AKAP6: variants seen among roughly 807,000 people sequenced by gnomAD.
AKAP6 encodes the protein A-kinase anchor protein 6.
Under a neutral mutation model 188.5 loss-of-function variants are expected in AKAP6, and 58 were observed. The ratio of observed to expected loss-of-function variants is 0.31; its 90% CI spans 0.25 to 0.38. AKAP6 has a LOEUF of 0.38. Ranked by LOEUF, AKAP6 falls within the 10% of genes least tolerant of loss-of-function variation. The probability of loss-of-function intolerance (pLI) is 1.00; values close to 1 mark genes in which losing one functional copy is unlikely to be tolerated. For synonymous variants in AKAP6, 989 were observed against 998.6 expected (o/e 0.99, Z 0.18); for missense variants, 2,710 against 2,740.0 (o/e 0.99, Z 0.24).
intron 12 of AKAP6, among the ~76,000 whole-genome samples, chr14:32,789,956 A>G (rs1424353862): frequency 6.6e-6 from 1 of 152,206 alleles, no homozygotes; most frequent in African/African-American, 2.4e-5. Flanking sequence ...ACCCAATGCA[A>G]AGAAGCTAAG....
chr14:32,345,308 G>A (rs1170015502), intron 1 of AKAP6, among the ~76,000 whole-genome samples: 8 of 152,216 alleles, frequency 5.3e-5, no homozygotes, highest in East Asian at 1.9e-4. Context: ...GGTATTGAAT[G>A]TGTAAGCAGA....
intron 11 of AKAP6, among the ~76,000 whole-genome samples, chr14:32,741,823 T>TG (rs1170381035): frequency 7.9e-6 from 1 of 127,020 alleles, no homozygotes; most frequent in Non-Finnish European, 1.6e-5. Flanking sequence ...CTGTAGGTTT[T>TG]TTTTTTTTTT....
chr14:32,355,143 G>C (rs753424924), intron 1 of AKAP6, among the ~76,000 whole-genome samples: 1 of 151,864 alleles, frequency 6.6e-6, no homozygotes, highest in East Asian at 1.9e-4. Flanking sequence ...TTCTTTTTAC[G>C]TACCTTAGAT....
At chr14:32,776,117 C>T (rs2033053038) in intron 12 of AKAP6, among the ~76,000 whole-genome samples, 3 of 152,204 alleles carry the variant, frequency 2.0e-5, no homozygotes, top group Admixed American at 2.0e-4. Flanking sequence ...TCTAAGTTGG[C>T]TCTTCAGTTA....
At position 32,611,383 on chromosome 14, in the gene AKAP6, G is replaced by C. The variant is rs143314997; in HGVS notation, c.2730+10591G>C. 2.5e-3 allele frequency among the ~76,000 whole-genome samples: 374 copies of C among 152,294 alleles called. 1 individual carries two copies. Among genetic ancestry groups the C allele is most frequent in the African/African-American group, 8.5e-3 (355 of 41,564 alleles). ...CCAGGTGATTCTAAAGTACAGGAAAGTTTGAGAACAAAGATTTAGTAAGGA... is the reference window on the plus strand; with the variant it reads ...CCAGGTGATTCTAAAGTACAGGAAACTTTGAGAACAAAGATTTAGTAAGGA... On this transcript the variant is annotated intron_variant, in intron 7 of 13. Coordinates refer to ENST00000280979, the MANE Select transcript of AKAP6 (RefSeq NM_004274.5).
At chr14:32,348,413 G>C (rs368894065) in intron 1 of AKAP6, among the ~76,000 whole-genome samples, 950 of 69,458 alleles carry the variant, frequency 0.014, 19 homozygotes, top group African/African-American at 0.076. Context: ...CTTTTCTTTT[G>C]TTTCTTTTTT....
intron 7 of AKAP6, among the ~76,000 whole-genome samples, chr14:32,665,643 G>A (rs938735219): frequency 5.3e-5 from 8 of 152,060 alleles, no homozygotes; most frequent in Non-Finnish European, 8.8e-5. Context: ...TCATGGGAGA[G>A]TCTTAAGACT....
intron 2 of AKAP6, among the ~76,000 whole-genome samples, chr14:32,521,350 G>C (rs1481680150): frequency 6.6e-6 from 1 of 152,046 alleles, no homozygotes; most frequent in African/African-American, 2.4e-5. Flanking sequence ...AATCAAGCAG[G>C]AGAAAGAAAT....
chr14:32,651,720 A>C (rs556986025), intron 7 of AKAP6, among the ~76,000 whole-genome samples: 35 of 152,286 alleles, frequency 2.3e-4, no homozygotes, highest in African/African-American at 7.7e-4. Flanking sequence ...TACCTCCCTA[A>C]GGCCACACTT....
At chr14:32,499,872 C>T (rs1835783243) in intron 2 of AKAP6, among the ~76,000 whole-genome samples, 1 of 151,792 alleles carries the variant, frequency 6.6e-6, no homozygotes, top group Non-Finnish European at 1.5e-5. Flanking sequence ...TTGATGAATA[C>T]TCATTCATAC....
intron 2 of AKAP6, among the ~76,000 whole-genome samples, chr14:32,506,608 C>T (rs1178502141): frequency 1.3e-5 from 2 of 151,868 alleles, no homozygotes; most frequent in Non-Finnish European, 2.9e-5. Context: ...TTTGGGAAGT[C>T]GAGGCAGGAG....
chr14:32,784,076 A>G (rs181265786), intron 12 of AKAP6, among the ~76,000 whole-genome samples: 1 of 152,318 alleles, frequency 6.6e-6, no homozygotes, highest in East Asian at 1.9e-4. Context: ...GTCAAAAATT[A>G]TATCTAAATG....
At chr14:32,668,932 A>T (rs1889061306) in intron 7 of AKAP6, among the ~76,000 whole-genome samples, 1 of 151,756 alleles carries the variant, frequency 6.6e-6, no homozygotes, top group African/African-American at 2.4e-5. Flanking sequence ...ACAAGGGAAG[A>T]TATTTACATT....
chr14:32,544,200 G>T (rs765688765), intron 3 of AKAP6, among the ~76,000 whole-genome samples: 1 of 152,162 alleles, frequency 6.6e-6, no homozygotes, highest in Non-Finnish European at 1.5e-5. Context: ...AAAAAAAGGA[G>T]ATCTGGGGAT....
intron 1 of AKAP6, among the ~76,000 whole-genome samples, chr14:32,407,832 TGGA>T (rs889202015): frequency 1.6e-4 from 24 of 152,114 alleles, no homozygotes; most frequent in Non-Finnish European, 4.4e-5. Context: ...TGTATCAACG[TGGA>T]GGAGAAGGGT....
chr14:32,804,679 GT>G (rs1337615532), intron 12 of AKAP6, among the ~76,000 whole-genome samples: 10 of 152,068 alleles, frequency 6.6e-5, no homozygotes, highest in Admixed American at 6.5e-4. Context: ...ATTTACCAGG[GT>G]GGAGTTTTTC....
chr14:32,651,171 A>G (rs550130976), intron 7 of AKAP6, among the ~76,000 whole-genome samples: 12 of 152,230 alleles, frequency 7.9e-5, no homozygotes, highest in African/African-American at 1.4e-4. Flanking sequence ...AATGGCTCCC[A>G]CCTTGGGTAC....
chr14:32,796,770 A>G (rs1425223128), intron 12 of AKAP6, among the ~76,000 whole-genome samples: 2 of 152,242 alleles, frequency 1.3e-5, no homozygotes, highest in Non-Finnish European at 2.9e-5. Context: ...CACTGAAAGC[A>G]ATTGCAACTA....
intron 7 of AKAP6, among the ~76,000 whole-genome samples, chr14:32,660,010 A>G (rs1175333768): frequency 6.6e-6 from 1 of 152,126 alleles, no homozygotes; most frequent in South Asian, 2.1e-4. Flanking sequence ...AAAAAAATAT[A>G]TATATAAAGA....
Sources: gnomAD v4.1 joint callset for allele counts (sites outside exome capture counted in the v4.1 genomes callset) on GRCh38, gnomAD v4.1.1 for gene constraint, MANE v1.5 for transcripts, NCBI Gene and HGNC (gene_info 2026-07-23, HGNC 2026-07-21) for gene names.